The following PCDHGB1 variants were observed in gnomAD, a reference collection of about 807,000 sequenced individuals.
The protein encoded by PCDHGB1 is protocadherin gamma subfamily B, 1.
Under a neutral mutation model 56.6 loss-of-function variants are expected in PCDHGB1, and 34 were observed. The observed-to-expected ratio is 0.60, with a 90% CI of 0.46 to 0.80. The LOEUF is 0.80. Ranked by LOEUF, PCDHGB1 falls within the 30% of genes least tolerant of loss-of-function variation. The pLI, the probability that PCDHGB1 is intolerant of heterozygous loss-of-function variation, is 0.00. For missense variants in PCDHGB1, 1,278 were observed against 1,204.6 expected (o/e 1.06, Z -0.90); for synonymous variants, 561 against 505.9 (o/e 1.11, Z -1.46).
At chr5:141,435,516 C>T (rs2097767967) in intron 1 of PCDHGB1, among the ~76,000 whole-genome samples, 1 of 152,058 alleles carries the variant, frequency 6.6e-6, no homozygotes, top group Non-Finnish European at 1.5e-5. Context: ...CTAATGATGA[C>T]TTTGTGGAAT....
At chr5:141,381,269 G>A (rs1777099951) in intron 1 of PCDHGB1, among the ~76,000 whole-genome samples, 1 of 152,224 alleles carries the variant, frequency 6.6e-6, no homozygotes, top group Admixed American at 6.5e-5. Flanking sequence ...AACCAAGACT[G>A]TTTCTTGCCA....
At position 141,394,666 on chromosome 5, in the gene PCDHGB1, C is replaced by T. The variant is rs1175831509; in HGVS notation, c.2409+41997C>T. 1.2e-6 allele frequency: 2 copies of T among 1,613,190 alleles called. No homozygotes were observed. ...AAGGCCAGCGAGCCGGGACTCTTCT[C>T]GGTGGGTCTGCACACGGGCGAGGTG... On this transcript the variant is annotated intron_variant, in intron 1 of 3. Transcript: ENST00000523390.
intron 1 of PCDHGB1, chr5:141,376,683 T>G (rs993121211): frequency 8.6e-5 from 69 of 804,030 alleles, no homozygotes; most frequent in African/African-American, 6.0e-4. Flanking sequence ...ATCGTTTTTT[T>G]TTTTTTTTTT....
intron 1 of PCDHGB1, among the ~76,000 whole-genome samples, chr5:141,425,165 A>G (rs1391395593): frequency 6.6e-6 from 1 of 152,140 alleles, no homozygotes; most frequent in Non-Finnish European, 1.5e-5. Flanking sequence ...TAGGGATAGG[A>G]TTTATACTTG....
At position 141,375,636 on chromosome 5, in the gene PCDHGB1, G is replaced by C. The variant is rs1448632834; in HGVS notation, c.2409+22967G>C. On this transcript the variant is annotated intron_variant, in intron 1 of 3. Transcript: ENST00000523390. ...GACACTGGGATTCTGTACGCCCTGC[G>C]CTCCTTCGACTATGAGCAGTTGAGA... The C allele has an allele frequency of 6.2e-6, 10 of 1,614,064 alleles. No individual in the cohort carries two copies. Among genetic ancestry groups the C allele is most frequent in the Non-Finnish European group, 8.5e-6 (10 of 1,180,044 alleles).
intron 1 of PCDHGB1, among the ~76,000 whole-genome samples, chr5:141,451,717 A>G (rs2098722445): frequency 6.6e-6 from 1 of 152,166 alleles, no homozygotes; most frequent in Non-Finnish European, 1.5e-5. Context: ...CCCTGCCTCT[A>G]CTAAAAATAC....
intron 1 of PCDHGB1, among the ~76,000 whole-genome samples, chr5:141,447,535 G>T (rs1366016262): frequency 3.3e-5 from 5 of 152,162 alleles, no homozygotes; most frequent in Admixed American, 6.5e-5. Flanking sequence ...AAATTGTTGG[G>T]TTTTAATGTT....
At chr5:141,365,237 A>G (rs765751985) in intron 1 of PCDHGB1, 2 of 1,613,962 alleles carry the variant, frequency 1.2e-6, no homozygotes, top group East Asian at 4.5e-5. Flanking sequence ...GGAAATCTCA[A>G]CTCTACAATC....
chr5:141,493,983 A>G lies in PCDHGB1; in HGVS notation c.2410-824A>G, dbSNP rs2099751203. Among the ~76,000 whole-genome samples the G allele has an allele frequency of 6.6e-6, 1 of 152,194 alleles. No homozygotes were observed. The highest frequency in any genetic ancestry group is 6.5e-5 in the Admixed American group (1 of 15,278). ...TGGCTGGCCAGAGCCCCACACCTTC[A>G]GCTAGGTGGGAGATGGCTACACATC... On this transcript the variant is annotated intron_variant, in intron 1 of 3. Coordinates refer to ENST00000523390, the MANE Select transcript of PCDHGB1 (RefSeq NM_018922.3). The surrounding 1 kb of genome is among the most constrained non-coding windows in gnomAD (Gnocchi z 4.3).
intron 1 of PCDHGB1, chr5:141,392,630 C>T (rs1431794812): frequency 1.7e-6 from 1 of 602,802 alleles, no homozygotes; most frequent in African/African-American, 1.9e-5. Context: ...ACACTCAGAT[C>T]TCACACCTCA....
intron 1 of PCDHGB1, chr5:141,375,368 A>G (rs774708513): frequency 1.9e-6 from 3 of 1,613,754 alleles, no homozygotes; most frequent in East Asian, 4.5e-5. Context: ...GGACAAAGGA[A>G]CACCACCTCT....
In PCDHGB1 at chr5:141,432,017, A is replaced by G. The variant is rs372826902; in HGVS notation, c.2410-62790A>G. The stretch of plus-strand genomic sequence containing the variant: ...TAGGGAACAGGTTCCTAGCTACAAC[A>G]TCACAGTGACCGCCACTGACCGGGG... On this transcript the variant is annotated intron_variant, in intron 1 of 3. Coordinates refer to ENST00000523390, the MANE Select transcript of PCDHGB1 (RefSeq NM_018922.3). This position sits in a 1 kb window ranked among gnomAD's most constrained non-coding sequence, Gnocchi z 6.0. The G allele has an allele frequency of 6.2e-7, 1 of 1,614,224 alleles. No individual in the cohort carries two copies. Among genetic ancestry groups the G allele is most frequent in the Non-Finnish European group, 8.5e-7 (1 of 1,180,038 alleles).
intron 1 of PCDHGB1, among the ~76,000 whole-genome samples, chr5:141,380,913 T>C (rs1776852594): frequency 6.6e-6 from 1 of 152,242 alleles, no homozygotes; most frequent in African/African-American, 2.4e-5. Flanking sequence ...AGTGCTTACA[T>C]TGTTTAATAA....
intron 1 of PCDHGB1, chr5:141,422,115 T>G: frequency 6.2e-7 from 1 of 1,605,004 alleles, no homozygotes; most frequent in Non-Finnish European, 8.5e-7. Context: ...TCCAATTGGA[T>G]TCACAAACTG....
At chr5:141,402,910 G>A in intron 1 of PCDHGB1, 2 of 1,549,722 alleles carry the variant, frequency 1.3e-6, no homozygotes, top group Non-Finnish European at 1.7e-6. Context: ...ATGAAGCAGC[G>A]CGCACAGAGA....
Position 141,490,400 on chromosome 5 carries a change from T to A in PCDHGB1, c.2410-4407T>A. On this transcript the variant is annotated intron_variant, in intron 1 of 3. Coordinates refer to ENST00000523390, the MANE Select transcript of PCDHGB1 (RefSeq NM_018922.3). This position sits in a 1 kb window ranked among gnomAD's most constrained non-coding sequence, Gnocchi z 5.4. ...TCAGGTAGAAATGGTGAAGTGAGCC[T>A]TGATATCTCTCCGGACCTGCCATTT... The A allele has an allele frequency of 6.2e-7, 1 of 1,614,202 alleles. No homozygotes were observed. Among genetic ancestry groups the A allele is most frequent in the Non-Finnish European group, 8.5e-7 (1 of 1,180,032 alleles).
intron 1 of PCDHGB1, among the ~76,000 whole-genome samples, chr5:141,382,529 T>C (rs1778264328): frequency 6.6e-6 from 1 of 152,222 alleles, no homozygotes; most frequent in South Asian, 2.1e-4. Flanking sequence ...TGTCTTAAAA[T>C]GGATTTTTAA....
Position 141,478,120 on chromosome 5 carries a change from G to A in PCDHGB1, c.2410-16687G>A, listed in dbSNP as rs772548778. 3.1e-6 allele frequency: 5 copies of A among 1,613,948 alleles called. No homozygotes were observed. In the Admixed American group the frequency reaches 6.7e-5, roughly 22 times the overall value. ...CTACCCTCACTGTGTCAGTAACCGA[G>A]GACTCTCCTGAAGCCCGAGCCGAGT... On this transcript the variant is annotated intron_variant, in intron 1 of 3. Coordinates refer to ENST00000523390, the MANE Select transcript of PCDHGB1 (RefSeq NM_018922.3).
rs1352437587 is a variant in PCDHGB1 at position 141,389,683 on chromosome 5, C to T, written c.2409+37014C>T. The stretch of plus-strand genomic sequence containing the variant: ...GTGGACGCAGACTCAGGACACAACG[C>T]CTGGCTGTCCTACCACGTGCTGCAG... On this transcript the variant is annotated intron_variant, in intron 1 of 3. Coordinates refer to ENST00000523390, the MANE Select transcript of PCDHGB1 (RefSeq NM_018922.3). 14 of 1,612,374 alleles carry T rather than the reference C, an allele frequency of 8.7e-6. No individual in the cohort carries two copies. In the Admixed American group the frequency reaches 2.3e-4, roughly 27 times the overall value.
Sources: allele counts gnomAD v4.1 joint callset (sites outside exome capture counted in the v4.1 genomes callset), GRCh38; gene constraint gnomAD v4.1.1; non-coding constraint Gnocchi (gnomAD v3.1); transcripts MANE v1.5; gene names NCBI Gene and HGNC (gene_info 2026-07-23, HGNC 2026-07-21).